HMGCLL1: variants seen among roughly 807,000 people sequenced by gnomAD.
HMGCLL1 encodes the protein 3-hydroxy-3-methylglutaryl-CoA lyase like 1.
Under a neutral mutation model 39.1 loss-of-function variants are expected in HMGCLL1, and 36 were observed. That is an observed-to-expected ratio of 0.92 (90% confidence interval 0.71 to 1.22). HMGCLL1 has a LOEUF of 1.22. Ranked by LOEUF, HMGCLL1 falls within the 50% of genes most tolerant of loss-of-function variation. HMGCLL1 has a pLI of 0.00. For missense variants in HMGCLL1, 451 were observed against 416.5 expected (o/e 1.08, Z -0.72); for synonymous variants, 149 against 144.0 (o/e 1.03, Z -0.25).
At chr6:55,460,468 C>G (rs977101555) in intron 7 of HMGCLL1, among the ~76,000 whole-genome samples, 2 of 151,802 alleles carry the variant, frequency 1.3e-5, no homozygotes, top group Non-Finnish European at 2.9e-5. Flanking sequence ...CTGTTTTTAT[C>G]AGCCGCATCT....
intron 5 of HMGCLL1, among the ~76,000 whole-genome samples, chr6:55,501,599 A>G (rs1170831766): frequency 1.3e-5 from 2 of 151,832 alleles, no homozygotes; most frequent in South Asian, 2.1e-4. Context: ...TTCTCCAACA[A>G]TCTATTACAG....
chr6:55,557,567 C>A (rs1770739223), intron 1 of HMGCLL1, among the ~76,000 whole-genome samples: 1 of 152,070 alleles, frequency 6.6e-6, no homozygotes, highest in Admixed American at 6.6e-5. Context: ...GAGGTTACTA[C>A]CGGCTTTATT....
chr6:55,543,594 ATAT>A, intron 1 of HMGCLL1, among the ~76,000 whole-genome samples: 1 of 75,676 alleles, frequency 1.3e-5, no homozygotes, highest in Non-Finnish European at 3.0e-5. Context: ...TTATATATAT[ATAT>A]TTTTTTGCCA....
At chr6:55,564,408 T>C (rs1771111060) in intron 1 of HMGCLL1, among the ~76,000 whole-genome samples, 2 of 152,122 alleles carry the variant, frequency 1.3e-5, no homozygotes, top group Admixed American at 6.6e-5. Flanking sequence ...TTTTTTATTA[T>C]ACTTTAAGTT....
chr6:55,442,648 TTTC>T (rs1401154396), intron 7 of HMGCLL1, among the ~76,000 whole-genome samples: 3 of 152,178 alleles, frequency 2.0e-5, no homozygotes, highest in Non-Finnish European at 4.4e-5. Context: ...TCTACCTCCA[TTTC>T]TTCTTCTTAT....
At chr6:55,507,238 A>G (rs1244244407) in intron 5 of HMGCLL1, among the ~76,000 whole-genome samples, 1 of 151,778 alleles carries the variant, frequency 6.6e-6, no homozygotes, top group Non-Finnish European at 1.5e-5. Flanking sequence ...GTTAAACTTT[A>G]TTATACATAT....
At chr6:55,437,275 A>C (rs1201807468) in intron 8 of HMGCLL1, among the ~76,000 whole-genome samples, 1 of 151,976 alleles carries the variant, frequency 6.6e-6, no homozygotes, top group Admixed American at 6.6e-5. Context: ...CAAGAACCTC[A>C]CGTAGAATGT....
the HMGCLL1 span, among the ~76,000 whole-genome samples, chr6:55,608,561 G>T: frequency 6.6e-6 from 1 of 151,994 alleles, no homozygotes; most frequent in African/African-American, 2.4e-5. Flanking sequence ...AAAAATAGCA[G>T]CAAAATAAAG....
chr6:55,509,461 G>C (rs891700779), intron 5 of HMGCLL1, among the ~76,000 whole-genome samples: 11 of 151,960 alleles, frequency 7.2e-5, no homozygotes, highest in Non-Finnish European at 1.6e-4. Flanking sequence ...AGTCCATACT[G>C]AGATTCTACA....
rs186761620 is a variant in HMGCLL1, at chr6:55,506,095, A to G, written c.543-6796T>C. Among the ~76,000 whole-genome samples the G allele has an allele frequency of 2.4e-3, 368 of 151,840 alleles. 1 individual carries two copies. Among genetic ancestry groups the G allele is most frequent in the African/African-American group, 8.4e-3 (350 of 41,510 alleles). The stretch of plus-strand genomic sequence containing the variant: ...TCCAACTTGAAGGCTGGGTCTTTCT[A>G]CTACATCAGTTGAGCTGTTTACAAT... On this transcript the variant is annotated intron_variant, in intron 5 of 8. Transcript: ENST00000274901.
At chr6:55,537,479 T>G (rs904738959) in intron 3 of HMGCLL1, among the ~76,000 whole-genome samples, 5 of 152,188 alleles carry the variant, frequency 3.3e-5, no homozygotes, top group Admixed American at 3.3e-4. Flanking sequence ...CATACTTTAA[T>G]CTTCAGAATA....
At chr6:55,567,618 A>AAATTGC (rs1346488469) in intron 1 of HMGCLL1, among the ~76,000 whole-genome samples, 1 of 152,192 alleles carries the variant, frequency 6.6e-6, no homozygotes, top group Non-Finnish European at 1.5e-5. Context: ...TTGCAAGAAA[A>AAATTGC]AATTGCAGGG....
At chr6:55,438,421 T>C (rs541845375) in intron 8 of HMGCLL1, among the ~76,000 whole-genome samples, 2 of 152,132 alleles carry the variant, frequency 1.3e-5, no homozygotes, top group African/African-American at 4.8e-5. Flanking sequence ...ATAAACAAGA[T>C]AATTATATAA....
chr6:55,514,392 T>C (rs1767629133), intron 4 of HMGCLL1, among the ~76,000 whole-genome samples, 196 bp from the exon 5 acceptor site: 1 of 152,154 alleles, frequency 6.6e-6, no homozygotes, highest in Non-Finnish European at 1.5e-5. Flanking sequence ...AACAGAATAA[T>C]CCACAAACTG....
At chr6:55,491,438 T>C (rs1766305879) in intron 7 of HMGCLL1, among the ~76,000 whole-genome samples, 1 of 152,118 alleles carries the variant, frequency 6.6e-6, no homozygotes, top group South Asian at 2.1e-4. Context: ...AGTAAACATA[T>C]GAAAAACATT....
At chr6:55,495,639 A>G (rs759303555) in intron 6 of HMGCLL1, 32 bp from the exon 7 acceptor site, 12 of 1,523,244 alleles carry the variant, frequency 7.9e-6, no homozygotes, top group Non-Finnish European at 9.7e-6. Context: ...TAGTAAAATA[A>G]TGGAAATGAA....
chr6:55,627,194 C>G, the HMGCLL1 span, among the ~76,000 whole-genome samples: 1 of 151,946 alleles, frequency 6.6e-6, no homozygotes, highest in Non-Finnish European at 1.5e-5. Flanking sequence ...TTGTAACTGT[C>G]ATGAGTATTT....
the HMGCLL1 span, among the ~76,000 whole-genome samples, chr6:55,586,334 T>A: frequency 2.0e-5 from 3 of 151,572 alleles, no homozygotes; most frequent in Non-Finnish European, 4.4e-5. Flanking sequence ...GCAGGGGAAG[T>A]GTGAGTAAGA....
intron 3 of HMGCLL1, among the ~76,000 whole-genome samples, chr6:55,521,807 G>A (rs1200672121): frequency 1.3e-5 from 2 of 151,968 alleles, no homozygotes; most frequent in Admixed American, 1.3e-4. Context: ...TCAAGTGAAA[G>A]GAAGACTCAC....
Sources: gnomAD v4.1 joint callset for allele counts (sites outside exome capture counted in the v4.1 genomes callset) on GRCh38, gnomAD v4.1.1 for gene constraint, MANE v1.5 for transcripts, NCBI Gene and HGNC (gene_info 2026-07-23, HGNC 2026-07-21) for gene names.